SIMC1: variants seen among roughly 807,000 people sequenced by gnomAD.
The protein encoded by SIMC1 is SUMO interacting motifs containing 1.
Under a neutral mutation model 82.3 loss-of-function variants are expected in SIMC1, and 55 were observed. That is an observed-to-expected ratio of 0.67 (90% confidence interval 0.54 to 0.84). SIMC1 has a LOEUF of 0.84. SIMC1 is among the 40% of genes least tolerant of loss of function. The probability of loss-of-function intolerance (pLI) is 0.00; values close to 1 mark genes in which losing one functional copy is unlikely to be tolerated. For synonymous variants in SIMC1, 353 were observed against 426.3 expected, an observed-to-expected ratio of 0.83 and a Z score of 2.12; for missense variants, 915 against 1,107.2, an observed-to-expected ratio of 0.83 and a Z score of 2.46.
At chr5:176,335,118 A>G (rs1388054618) in intron 7 of SIMC1, among the ~76,000 whole-genome samples, 1 of 151,772 alleles carries the variant, frequency 6.6e-6, no homozygotes, top group African/African-American at 2.4e-5. Context: ...AATAATAATA[A>G]TAATCATCAC....
Position 176,277,450 on chromosome 5 carries a change from T to G in SIMC1, c.130-12204T>G, listed in dbSNP as rs1010935207. Among the ~76,000 whole-genome samples the G allele has an allele frequency of 7.6e-4, 116 of 151,972 alleles. 4 individuals carry two copies. In the South Asian group the frequency reaches 0.022, roughly 29 times the overall value. On this transcript the variant is annotated intron_variant, in intron 1 of 9. Transcript: ENST00000429602. ...TTTGCTGTGCAGAAGCTCTTTAGTT[T>G]AATTAGATCCCATTTGTCAATTTTG...
chr5:176,325,367 C>G (rs989093984), intron 7 of SIMC1, among the ~76,000 whole-genome samples: 1 of 151,690 alleles, frequency 6.6e-6, no homozygotes, highest in African/African-American at 2.4e-5. Context: ...GCCTGGGTGA[C>G]AGAGTGAGAC....
intron 1 of SIMC1, among the ~76,000 whole-genome samples, chr5:176,247,737 T>G: frequency 1.5e-5 from 1 of 68,736 alleles, no homozygotes; most frequent in African/African-American, 5.0e-5. Context: ...TTTTATGGTT[T>G]TAGGTTTACA....
In SIMC1 at chr5:176,322,277, G is replaced by A; in HGVS notation, c.1894G>A (p.Val632Ile). Residue 632 changes from valine (V) to isoleucine (I), a missense_variant, in exon 6 of 10, where the codon GTT becomes ATT. Physicochemically the swap from Val to Ile is conservative, Grantham distance 29. Coordinates refer to ENST00000429602, the MANE Select transcript of SIMC1 (RefSeq NM_001308195.2). ...CDKQPHNVRD[V>I]IKWLVKAVTE... Reference sequence around the variant, plus strand: ...TCTTTCTTTTTTCCATTACAGGGATGTTATCAAGTGGCTGGTCAAAGCAGT... The same window carrying A: ...TCTTTCTTTTTTCCATTACAGGGATATTATCAAGTGGCTGGTCAAAGCAGT... 6.4e-7 allele frequency: 1 copy of A among 1,558,940 alleles called. No individual in the cohort carries two copies. Among genetic ancestry groups the A allele is most frequent in the Non-Finnish European group, 8.7e-7 (1 of 1,150,706 alleles).
chr5:176,262,445 A>G (rs1762048611), intron 1 of SIMC1, among the ~76,000 whole-genome samples: 1 of 151,834 alleles, frequency 6.6e-6, no homozygotes, highest in African/African-American at 2.4e-5. Context: ...ATGTCTCCTC[A>G]CTACTCCTTT....
At chr5:176,292,958 G>T (rs1300748849) in intron 2 of SIMC1, among the ~76,000 whole-genome samples, 1 of 152,056 alleles carries the variant, frequency 6.6e-6, no homozygotes, top group Non-Finnish European at 1.5e-5. Context: ...CATTATTTTT[G>T]TTGTTTATGG....
intron 1 of SIMC1, among the ~76,000 whole-genome samples, chr5:176,286,066 T>C (rs1763263939): frequency 6.6e-6 from 1 of 152,242 alleles, no homozygotes; most frequent in African/African-American, 2.4e-5. Flanking sequence ...CTGCCCAAGG[T>C]AATTTATAGA....
At chr5:176,311,962 A>G (rs1034008415) in intron 4 of SIMC1, among the ~76,000 whole-genome samples, 5 of 152,206 alleles carry the variant, frequency 3.3e-5, no homozygotes, top group African/African-American at 9.6e-5. Flanking sequence ...TTATCTTCCA[A>G]AATGGGGAGT....
At position 176,290,237 on chromosome 5, in the gene SIMC1, G is replaced by A. The variant is rs764088023; in HGVS notation, c.713G>A (p.Arg238Gln). The A allele has an allele frequency of 6.8e-6, 11 of 1,609,814 alleles. No homozygotes were observed. The highest frequency in any genetic ancestry group is 2.2e-5 in the South Asian group (2 of 90,864). ...CPPRASPCPP[R>Q]ASSCPPRALS... ...CCGAGAGCCTCACCATGTCCACCAC[G>A]AGCCTCCTCATGCCCACCACGAGCC... Residue 238 changes from arginine (R) to glutamine (Q), a missense_variant, in exon 2 of 10, where the codon CGA (arginine) becomes CAA (glutamine). Transcript: ENST00000429602.
At chr5:176,293,747 CAA>C (rs531149436) in intron 2 of SIMC1, among the ~76,000 whole-genome samples, 109 of 111,090 alleles carry the variant, frequency 9.8e-4, no homozygotes, top group African/African-American at 2.5e-3. Context: ...GACTTCATCT[CAA>C]AAAAAAAAAA....
chr5:176,308,052 G>GC (rs2113329511), intron 4 of SIMC1: 1 of 709,576 alleles, frequency 1.4e-6, no homozygotes, highest in Admixed American at 2.0e-5. Flanking sequence ...AAAGCAATGA[G>GC]CTGGGCCAAG....
intron 1 of SIMC1, among the ~76,000 whole-genome samples, chr5:176,276,416 A>G (rs1381657323): frequency 6.6e-6 from 1 of 150,910 alleles, no homozygotes; most frequent in African/African-American, 2.4e-5. Context: ...GTCCTTTCAA[A>G]AAACCAGATC....
At chr5:176,326,511 G>C (rs1227522496) in intron 7 of SIMC1, among the ~76,000 whole-genome samples, 1 of 151,970 alleles carries the variant, frequency 6.6e-6, no homozygotes, top group East Asian at 1.9e-4. Flanking sequence ...GGGATTACAG[G>C]CATGAGCCAC....
chr5:176,308,593 A>C, intron 4 of SIMC1: 1 of 1,584,178 alleles, frequency 6.3e-7, no homozygotes. Context: ...CAATCCATAC[A>C]GGCCCAAAAG....
chr5:176,320,582 C>T (rs991497492), intron 5 of SIMC1, among the ~76,000 whole-genome samples: 15 of 152,164 alleles, frequency 9.9e-5, no homozygotes, highest in East Asian at 7.7e-4. Context: ...TTTGCCCAGG[C>T]TGGTCTCAAA....
chr5:176,300,228 T>G (rs1418379443), intron 4 of SIMC1, among the ~76,000 whole-genome samples: 2 of 152,178 alleles, frequency 1.3e-5, no homozygotes, highest in Non-Finnish European at 2.9e-5. Context: ...GAACCCAAAG[T>G]TAGCAGAGGA....
intron 3 of SIMC1, among the ~76,000 whole-genome samples, chr5:176,295,910 C>T (rs1416482215): frequency 2.0e-5 from 3 of 152,158 alleles, no homozygotes; most frequent in Admixed American, 6.5e-5. Context: ...GAGCCAATCA[C>T]CGTGAACTGA....
At chr5:176,292,357 G>T (rs1763619292) in intron 2 of SIMC1, among the ~76,000 whole-genome samples, 1 of 152,172 alleles carries the variant, frequency 6.6e-6, no homozygotes, top group Non-Finnish European at 1.5e-5. Flanking sequence ...AAGAAAACCA[G>T]CTTGAAACAG....
chr5:176,255,031 C>T (rs1761802052), intron 1 of SIMC1, among the ~76,000 whole-genome samples: 1 of 151,854 alleles, frequency 6.6e-6, no homozygotes, highest in East Asian at 1.9e-4. Context: ...AATCCCAGCA[C>T]TTTGGGAGGC....
Sources: allele counts gnomAD v4.1 joint callset (sites outside exome capture counted in the v4.1 genomes callset), GRCh38; gene constraint gnomAD v4.1.1; transcripts MANE v1.5; gene names NCBI Gene and HGNC (gene_info 2026-07-23, HGNC 2026-07-21).